Variants in CCSER1 observed in about 807,000 individuals in gnomAD.
The protein encoded by CCSER1 is serine-rich coiled-coil domain-containing protein 1.
Under a neutral mutation model 82.0 loss-of-function variants are expected in CCSER1, and 41 were observed. The observed-to-expected ratio is 0.50, with a 90% confidence interval of 0.39 to 0.65. The LOEUF is 0.65. CCSER1 is among the 30% of genes least tolerant of loss of function. CCSER1 has a pLI of 0.00. For missense variants in CCSER1, 1,119 were observed against 1,064.2 expected (o/e 1.05, Z -0.72); for synonymous variants, 414 against 383.9 (o/e 1.08, Z -0.92).
intron 1 of CCSER1, among the ~76,000 whole-genome samples, chr4:90,199,173 T>A (rs1279976241): frequency 2.0e-5 from 3 of 152,150 alleles, no homozygotes; most frequent in Non-Finnish European, 4.4e-5. Context: ...TAATTTGGAA[T>A]CTTCTTCTGA....
At chr4:90,800,638 G>A (rs1393676250) in intron 7 of CCSER1, among the ~76,000 whole-genome samples, 2 of 152,132 alleles carry the variant, frequency 1.3e-5, no homozygotes, top group Non-Finnish European at 2.9e-5. Context: ...ATCACTTGTT[G>A]ACTGTTTCTG....
intron 7 of CCSER1, among the ~76,000 whole-genome samples, chr4:90,765,295 T>G (rs1334157061): frequency 6.6e-6 from 1 of 152,170 alleles, no homozygotes; most frequent in African/African-American, 2.4e-5. Flanking sequence ...GATTCTGAAT[T>G]ACTGCATAAA....
intron 10 of CCSER1, among the ~76,000 whole-genome samples, chr4:91,475,293 A>G (rs562411036): frequency 1.3e-5 from 2 of 152,062 alleles, no homozygotes; most frequent in South Asian, 2.1e-4. Flanking sequence ...TAGATACAGT[A>G]AAATAGATAT....
At chr4:90,979,153 A>G (rs962016833) in intron 9 of CCSER1, among the ~76,000 whole-genome samples, 3 of 151,294 alleles carry the variant, frequency 2.0e-5, no homozygotes, top group Admixed American at 6.6e-5. Context: ...ATAAATATAT[A>G]CTTTTAATTA....
At chr4:90,877,886 A>G (rs1042443975) in intron 8 of CCSER1, among the ~76,000 whole-genome samples, 6 of 152,086 alleles carry the variant, frequency 3.9e-5, no homozygotes, top group Non-Finnish European at 8.8e-5. Context: ...CCTTAGTCAC[A>G]TTAGTCCCTT....
At chr4:90,500,801 G>A (rs1488947062) in intron 5 of CCSER1, among the ~76,000 whole-genome samples, 1 of 152,040 alleles carries the variant, frequency 6.6e-6, no homozygotes, top group African/African-American at 2.4e-5. Context: ...AATGTGCTAT[G>A]TGATTTCGAA....
chr4:90,555,739 C>A (rs1220867745), intron 5 of CCSER1, among the ~76,000 whole-genome samples: 1 of 151,908 alleles, frequency 6.6e-6, no homozygotes, highest in African/African-American at 2.4e-5. Flanking sequence ...ATTTACACTT[C>A]ATTTGATAAT....
intron 6 of CCSER1, among the ~76,000 whole-genome samples, chr4:90,643,896 C>G (rs1053844658): frequency 6.6e-6 from 1 of 152,168 alleles, no homozygotes; most frequent in Non-Finnish European, 1.5e-5. Context: ...AATGTTACTT[C>G]TCTTTCCCCC....
chr4:91,424,981 T>C lies in CCSER1; in HGVS notation c.2218-173591T>C, dbSNP rs1251522113. ...CTCAGTAAAATGACTTTTATACACA[T>C]TAATTTGACTTGAATTGGACATGTA... On this transcript the variant is annotated intron_variant, in intron 10 of 10. Coordinates refer to ENST00000509176, the MANE Select transcript of CCSER1 (RefSeq NM_001145065.2). 2.0e-5 allele frequency among the ~76,000 whole-genome samples: 3 copies of C among 152,234 alleles called. No homozygotes were observed. The East Asian group carries it at 5.8e-4, about 29-fold the overall frequency.
At chr4:90,738,337 C>A (rs1379068021) in intron 7 of CCSER1, among the ~76,000 whole-genome samples, 1 of 152,114 alleles carries the variant, frequency 6.6e-6, no homozygotes, top group African/African-American at 2.4e-5. Context: ...AGAGGACACC[C>A]CAAGCTGAGT....
At chr4:91,090,892 C>T (rs1413474659) in intron 10 of CCSER1, among the ~76,000 whole-genome samples, 3 of 152,110 alleles carry the variant, frequency 2.0e-5, no homozygotes, top group Non-Finnish European at 4.4e-5. Flanking sequence ...CCTGGAGATA[C>T]GTACTCTCCT....
intron 10 of CCSER1, among the ~76,000 whole-genome samples, chr4:91,351,356 C>A (rs1748458975): frequency 6.6e-6 from 1 of 151,872 alleles, no homozygotes; most frequent in African/African-American, 2.4e-5. Flanking sequence ...ATGAAATAAT[C>A]CTAATTTCTT....
chr4:91,477,819 G>T (rs1467345705), intron 10 of CCSER1, among the ~76,000 whole-genome samples: 1 of 151,722 alleles, frequency 6.6e-6, no homozygotes, highest in East Asian at 1.9e-4. Context: ...ATCAACAATG[G>T]CTTGGGTAGT....
chr4:91,327,248 T>C (rs936998792), intron 10 of CCSER1, among the ~76,000 whole-genome samples: 1 of 152,204 alleles, frequency 6.6e-6, no homozygotes, highest in Non-Finnish European at 1.5e-5. Flanking sequence ...ATCCAGGTGT[T>C]TCCATAATCC....
rs545567309 is a variant in CCSER1, at chr4:91,023,870, AT to A, written c.2173-62079del. On this transcript the variant is annotated intron_variant, in intron 9 of 10. Coordinates refer to ENST00000509176, the MANE Select transcript of CCSER1 (RefSeq NM_001145065.2). ...ACCCACAAAATGTTGCTGATACAAA[AT>A]GATATAAGTATTTTCTTAGCTATCT... Among the ~76,000 whole-genome samples, 183 of 152,312 alleles carry A rather than the reference AT, an allele frequency of 1.2e-3. 1 individual carries two copies. Among genetic ancestry groups the A allele is most frequent in the African/African-American group, 4.2e-3 (175 of 41,576 alleles).
In CCSER1 at chr4:90,505,384, G is replaced by A. The variant is rs373672434; in HGVS notation, c.1724+37030G>A. ...AAGACAGAGGAACCAAAATCAAAGCGGGGCAGGGAAAAGACAGTAAGTTGA... is the reference window on the plus strand; with the variant it reads ...AAGACAGAGGAACCAAAATCAAAGCAGGGCAGGGAAAAGACAGTAAGTTGA... On this transcript the variant is annotated intron_variant, in intron 5 of 10. Coordinates refer to ENST00000509176, the MANE Select transcript of CCSER1 (RefSeq NM_001145065.2). Among the ~76,000 whole-genome samples the A allele has an allele frequency of 5.3e-5, 8 of 151,678 alleles. No individual in the cohort carries two copies. In the East Asian group the frequency reaches 7.8e-4, roughly 15 times the overall value.
intron 9 of CCSER1, among the ~76,000 whole-genome samples, chr4:90,950,344 G>A (rs1458502728): frequency 6.6e-6 from 1 of 151,742 alleles, no homozygotes; most frequent in African/African-American, 2.4e-5. Flanking sequence ...TTTTCCCTGA[G>A]ACTAAATAAA....
chr4:90,290,973 T>C (rs1203871798), intron 1 of CCSER1, among the ~76,000 whole-genome samples: 1 of 152,074 alleles, frequency 6.6e-6, no homozygotes, highest in Non-Finnish European at 1.5e-5. Context: ...AAGATCTAGA[T>C]TAAAATTTAG....
rs141560447 is a variant in CCSER1 at position 91,193,146 on chromosome 4, G to A, written c.2217+107152G>A. Among the ~76,000 whole-genome samples, 17 of 152,122 alleles carry A rather than the reference G, an allele frequency of 1.1e-4. No homozygotes were observed. In the East Asian group the frequency reaches 3.3e-3, roughly 29 times the overall value. On this transcript the variant is annotated intron_variant, in intron 10 of 10. Coordinates refer to ENST00000509176, the MANE Select transcript of CCSER1 (RefSeq NM_001145065.2). ...GCTCATCTATAATACCTAAAACAGA[G>A]CCTTTTACCTCAGTGTTGCTTGGTT...
Sources: gnomAD v4.1 joint callset for allele counts (sites outside exome capture counted in the v4.1 genomes callset) on GRCh38, gnomAD v4.1.1 for gene constraint, MANE v1.5 for transcripts, NCBI Gene and HGNC (gene_info 2026-07-23, HGNC 2026-07-21) for gene names.